CD6: variants seen among roughly 807,000 people sequenced by gnomAD.
CD6 encodes T-cell differentiation antigen CD6.
A neutral mutation model predicts 75.3 loss-of-function variants in CD6; 53 were observed. The observed-to-expected ratio is 0.70, with a 90% CI of 0.56 to 0.88. The LOEUF (loss-of-function observed/expected upper bound fraction) is 0.88, where lower values mean the gene tolerates loss of function less well. Among genes scored for constraint, CD6 ranks in the 40% least tolerant of loss-of-function variants. The pLI is 0.00. For missense variants in CD6, 770 were observed against 897.1 expected (o/e 0.86, Z 1.81); for synonymous variants, 359 against 381.5 (o/e 0.94, Z 0.69).
chr11:61,003,728 T>C (rs968738968), intron 1 of CD6, among the ~76,000 whole-genome samples: 4 of 152,194 alleles, frequency 2.6e-5, no homozygotes, highest in Non-Finnish European at 5.9e-5. Flanking sequence ...AGCGAGACAC[T>C]GTCTCAAAAC....
At chr11:60,996,221 C>A (rs1461252702) in intron 1 of CD6, among the ~76,000 whole-genome samples, 5 of 152,224 alleles carry the variant, frequency 3.3e-5, no homozygotes, top group Non-Finnish European at 5.9e-5. Context: ...GCCATTACTG[C>A]TGAGCTGTGC....
intron 1 of CD6, among the ~76,000 whole-genome samples, chr11:60,979,168 T>G (rs1857473555): frequency 1.3e-5 from 2 of 152,352 alleles, no homozygotes; most frequent in East Asian, 3.9e-4. Flanking sequence ...CCAGCTGTCC[T>G]GTGGGCTCTA....
chr11:60,983,650 A>G (rs1484931467), intron 1 of CD6, among the ~76,000 whole-genome samples: 2 of 151,114 alleles, frequency 1.3e-5, no homozygotes, highest in African/African-American at 2.4e-5. Flanking sequence ...TTTTTTACAT[A>G]CGGACATTTT....
At chr11:61,013,384 C>T in intron 6 of CD6, 39 bp from the exon 7 acceptor site, 1 of 1,610,466 alleles carries the variant, frequency 6.2e-7, no homozygotes, top group Non-Finnish European at 8.5e-7. Flanking sequence ...GGTGAGTGCC[C>T]ATTCCTCTTT....
At chr11:60,980,429 G>A (rs776414529) in intron 1 of CD6, among the ~76,000 whole-genome samples, 57 of 152,232 alleles carry the variant, frequency 3.7e-4, no homozygotes, top group Non-Finnish European at 7.3e-4. Flanking sequence ...TTGAGCCCAG[G>A]AGGTTGAGGC....
At position 60,985,174 on chromosome 11, in the gene CD6, C is replaced by CTTTTTTTTT. The variant is rs71043735; in HGVS notation, c.49+13278_49+13286dup. 3 of 60,034 alleles carry CTTTTTTTTT rather than the reference C, an allele frequency of 5.0e-5. 1 individual carries two copies. The highest frequency in any genetic ancestry group is 1.0e-4 in the Non-Finnish European group (3 of 29,908). 3.7% of individuals were successfully genotyped at this position (60,034 alleles called of 1,614,324 possible). On this transcript the variant is annotated intron_variant, in intron 1 of 12. Transcript: ENST00000313421. ...GTACCGCCGAAGCTTGCACCCACTC[C>CTTTTTTTTT]TTTTTTTTTTTTTTTTTTTTTTTTT...
chr11:60,971,789 G>T lies in CD6; in HGVS notation c.-77G>T. The T allele has an allele frequency of 1.4e-6, 2 of 1,461,396 alleles. No individual in the cohort carries two copies. The highest frequency in any genetic ancestry group is 2.3e-5 in the South Asian group (2 of 85,760). The allele number at this position is 1,461,396 out of a possible 1,614,324, so 90.5% of individuals were successfully genotyped here. ...CAGACCTGCGCCAGGGGCGCACAAC[G>T]GCCGTGTCCACCTCCCGGCCCCAAG... On this transcript the variant is annotated 5_prime_UTR_variant, in exon 1 of 13. Transcript: ENST00000313421.
chr11:61,009,487 G>A (rs1859038286), intron 4 of CD6, 85 bp from the exon 5 acceptor site: 1 of 1,232,690 alleles, frequency 8.1e-7, no homozygotes, highest in Admixed American at 2.7e-5. Context: ...GGCTGCATTG[G>A]TGCCTGCACT....
chr11:61,018,801 G>C (rs1409992742), intron 12 of CD6: 5 of 252,850 alleles, frequency 2.0e-5, no homozygotes, highest in African/African-American at 8.8e-5. Flanking sequence ...CCCCTGCAGG[G>C]TCAGAGCAAG....
chr11:61,018,003 A>C lies in CD6; in HGVS notation c.1827A>C (p.Pro609=). 1.2e-6 allele frequency: 2 copies of C among 1,611,246 alleles called. No individual in the cohort carries two copies. Among genetic ancestry groups the C allele is most frequent in the Non-Finnish European group, 1.7e-6 (2 of 1,179,732 alleles). ...PPNLELAGTQ[P]AFSAGPPADD... is the part of the protein sequence containing the mutation. ...ACTTGGAGCTGGCCGGCACCCAGCC[A>C]GCCTTTTCAGGTAAGCTGTGCCTCC... Residue 609 remains proline (P), a synonymous_variant, in exon 11 of 13, where the codon CCA becomes CCC. Coordinates refer to ENST00000313421, the MANE Select transcript of CD6 (RefSeq NM_006725.5).
At chr11:61,008,467 A>C in intron 3 of CD6, 67 bp from the exon 4 acceptor site, 1 of 1,427,744 alleles carries the variant, frequency 7.0e-7, no homozygotes, top group Non-Finnish European at 9.4e-7. Flanking sequence ...CGGCCAGTCC[A>C]ACCATCACCC....
At chr11:61,000,798 A>G (rs774704246) in intron 1 of CD6, among the ~76,000 whole-genome samples, 24 of 152,188 alleles carry the variant, frequency 1.6e-4, no homozygotes, top group Non-Finnish European at 5.9e-5. Context: ...TCGTGCCTTC[A>G]TTCTTCCTGT....
Position 61,008,835 on chromosome 11 carries a change from G to A in CD6, c.771G>A (p.Ala257=), listed in dbSNP as rs79848107. The change falls in exon 4 of 13, where the codon GCG becomes GCA. Residue 257 remains alanine (A), a synonymous_variant. Transcript: ENST00000313421. ...HYCGHKEDAG[A]VCSEHQSWRL... ...GCGGCCACAAAGAGGACGCGGGCGC[G>A]GTGTGCTCAGGTCAGTGGGCGGAGT... The A allele has an allele frequency of 6.5e-7, 1 of 1,542,720 alleles. No individual in the cohort carries two copies. Among genetic ancestry groups the A allele is most frequent in the Non-Finnish European group, 8.8e-7 (1 of 1,141,834 alleles).
chr11:61,006,437 G>A (rs1210061993), intron 1 of CD6, 137 bp from the exon 2 acceptor site: 1 of 665,358 alleles, frequency 1.5e-6, no homozygotes, highest in Non-Finnish European at 2.6e-6. Context: ...TGCACCCAAA[G>A]TTGAGGACCA....
chr11:60,986,097 C>T (rs1857803306), intron 1 of CD6, among the ~76,000 whole-genome samples: 1 of 152,198 alleles, frequency 6.6e-6, no homozygotes, highest in African/African-American at 2.4e-5. Context: ...GCTCTCCATT[C>T]TACTCACCCT....
chr11:60,980,876 C>G (rs571676662), intron 1 of CD6, among the ~76,000 whole-genome samples: 8 of 152,144 alleles, frequency 5.3e-5, no homozygotes, highest in African/African-American at 1.9e-4. Flanking sequence ...GAAAGAAAGA[C>G]CCATTTGAGC....
chr11:61,010,594 C>T (rs565575347), intron 5 of CD6, among the ~76,000 whole-genome samples: 2 of 152,310 alleles, frequency 1.3e-5, no homozygotes, highest in South Asian at 2.1e-4. Flanking sequence ...GTCCCTTAAC[C>T]TCCATGTGTG....
intron 8 of CD6, 198 bp from the exon 9 acceptor site, chr11:61,015,515 G>A: frequency 3.3e-6 from 2 of 611,890 alleles, no homozygotes. Flanking sequence ...ATGCTGCAGT[G>A]AGCTGTGATG....
intron 1 of CD6, among the ~76,000 whole-genome samples, chr11:61,003,562 G>A (rs190575695): frequency 3.3e-4 from 50 of 152,094 alleles, no homozygotes; most frequent in Admixed American, 1.4e-3. Context: ...GGAAAACCCC[G>A]TCTCTACAAA....
Sources: gnomAD v4.1 joint callset for allele counts (sites outside exome capture counted in the v4.1 genomes callset) on GRCh38, gnomAD v4.1.1 for gene constraint, MANE v1.5 for transcripts, NCBI Gene and HGNC (gene_info 2026-07-23, HGNC 2026-07-21) for gene names.